Variants in DPP10 observed in about 807,000 individuals in gnomAD.
The protein encoded by DPP10 is inactive dipeptidyl peptidase 10.
Under a neutral mutation model 120.9 loss-of-function variants are expected in DPP10, and 33 were observed. The observed-to-expected ratio is 0.27, with a 90% confidence interval of 0.21 to 0.37. The LOEUF (loss-of-function observed/expected upper bound fraction) is 0.37. DPP10 is among the 10% of genes least tolerant of loss of function. The pLI is 1.00. For synonymous variants in DPP10, 337 were observed against 326.1 expected (o/e 1.03, Z -0.36); for missense variants, 816 against 942.8 (o/e 0.87, Z 1.76).
At chr2:114,786,072 A>G (rs921125661) in intron 1 of DPP10, among the ~76,000 whole-genome samples, 9 of 152,228 alleles carry the variant, frequency 5.9e-5, no homozygotes, top group Non-Finnish European at 1.3e-4. Flanking sequence ...TTGGAGAACA[A>G]GAGCAGCAGC....
At chr2:115,046,026 G>A (rs879544870) in intron 1 of DPP10, among the ~76,000 whole-genome samples, 123 of 151,676 alleles carry the variant, frequency 8.1e-4, no homozygotes, top group Non-Finnish European at 1.2e-3. Context: ...GTGTGTGTGT[G>A]TGTGTGTGTG....
intron 1 of DPP10, among the ~76,000 whole-genome samples, chr2:114,468,397 C>CAAAAAAAA (rs71297186): frequency 8.6e-5 from 6 of 69,552 alleles, no homozygotes; most frequent in African/African-American, 2.1e-4. Context: ...GCTTACAATG[C>CAAAAAAAA]AAAAAAAAAA....
chr2:114,485,260 C>T (rs372244489), intron 1 of DPP10, among the ~76,000 whole-genome samples: 48 of 152,220 alleles, frequency 3.2e-4, no homozygotes, highest in African/African-American at 1.1e-3. Context: ...AGGACAGCTG[C>T]CGTTCTACAA....
chr2:115,587,340 C>T (rs764631634), intron 5 of DPP10, among the ~76,000 whole-genome samples: 14 of 152,022 alleles, frequency 9.2e-5, no homozygotes, highest in East Asian at 5.8e-4. Context: ...CCTCATGATC[C>T]GCCCGCCTCG....
chr2:114,712,215 G>A (rs1176610304), intron 1 of DPP10, among the ~76,000 whole-genome samples: 1 of 152,140 alleles, frequency 6.6e-6, no homozygotes, highest in Non-Finnish European at 1.5e-5. Context: ...AGCTACTCGG[G>A]AGGCCAAGGC....
At chr2:115,676,156 C>T (rs760373936) in intron 5 of DPP10, among the ~76,000 whole-genome samples, 16 of 152,172 alleles carry the variant, frequency 1.1e-4, no homozygotes, top group Non-Finnish European at 2.1e-4. Context: ...TGAACTTGTG[C>T]ATTTACTTGA....
intron 3 of DPP10, among the ~76,000 whole-genome samples, chr2:115,344,929 T>A (rs2063635364): frequency 6.6e-6 from 1 of 152,180 alleles, no homozygotes. Context: ...TTCCTTCCTC[T>A]CTCTTACTCT....
intron 1 of DPP10, among the ~76,000 whole-genome samples, chr2:114,517,803 A>G (rs1027903778): frequency 6.6e-6 from 1 of 152,196 alleles, no homozygotes; most frequent in Non-Finnish European, 1.5e-5. Flanking sequence ...AGTGAGGTGA[A>G]CACCCAGCTG....
chr2:115,363,504 A>C (rs2064907019), intron 3 of DPP10, among the ~76,000 whole-genome samples: 1 of 152,134 alleles, frequency 6.6e-6, no homozygotes, highest in Admixed American at 6.5e-5. Context: ...CATATCTGTG[A>C]ATCAGTGTAC....
Position 115,654,073 on chromosome 2 carries a change from T to C in DPP10, c.442-35614T>C, listed in dbSNP as rs368778115. Among the ~76,000 whole-genome samples, 8 of 151,986 alleles carry C rather than the reference T, an allele frequency of 5.3e-5. No homozygotes were observed. In the East Asian group the frequency reaches 1.5e-3, roughly 29 times the overall value. On this transcript the variant is annotated intron_variant, in intron 5 of 25. Coordinates refer to ENST00000410059, the MANE Select transcript of DPP10 (RefSeq NM_020868.6). ...GTTCTTTTTATATTGTATCTAATTA[T>C]ATCAGAAATATTTACACATCAGTCT...
intron 1 of DPP10, among the ~76,000 whole-genome samples, chr2:114,744,533 G>T (rs937688689): frequency 6.6e-6 from 1 of 151,990 alleles, no homozygotes; most frequent in African/African-American, 2.4e-5. Context: ...GCAGGAAGTA[G>T]AAGAGAATGC....
intron 1 of DPP10, among the ~76,000 whole-genome samples, chr2:114,832,195 A>G (rs1434880523): frequency 6.6e-6 from 1 of 152,238 alleles, no homozygotes; most frequent in Non-Finnish European, 1.5e-5. Context: ...ATGTTCTTAA[A>G]TAGACTATAG....
intron 1 of DPP10, among the ~76,000 whole-genome samples, chr2:114,805,981 C>G (rs74651010): frequency 8.3e-4 from 127 of 152,282 alleles, no homozygotes; most frequent in African/African-American, 2.9e-3. Context: ...GGGCTCAAAA[C>G]CTGGCTGAGT....
intron 1 of DPP10, among the ~76,000 whole-genome samples, chr2:115,054,683 C>T (rs1216393072): frequency 6.6e-6 from 1 of 152,150 alleles, no homozygotes; most frequent in Non-Finnish European, 1.5e-5. Flanking sequence ...GAGGCTGAGG[C>T]AGGTGGATCA....
intron 1 of DPP10, among the ~76,000 whole-genome samples, chr2:115,191,289 C>G (rs753521165): frequency 2.6e-5 from 4 of 152,230 alleles, no homozygotes; most frequent in Non-Finnish European, 4.4e-5. Context: ...GGCAGAGAAG[C>G]TCTGCTCTAG....
At chr2:115,528,327 G>A (rs1468594384) in intron 5 of DPP10, among the ~76,000 whole-genome samples, 1 of 150,922 alleles carries the variant, frequency 6.6e-6, no homozygotes, top group African/African-American at 2.4e-5. Context: ...CCTGCACATT[G>A]TGCACATGTA....
chr2:115,204,741 C>T (rs575894667), intron 1 of DPP10, among the ~76,000 whole-genome samples: 9 of 152,240 alleles, frequency 5.9e-5, no homozygotes, highest in Non-Finnish European at 1.0e-4. Flanking sequence ...CAGCTCCTCC[C>T]GTGGGGAGCA....
intron 1 of DPP10, among the ~76,000 whole-genome samples, chr2:114,968,632 C>A (rs536112572): frequency 3.3e-5 from 5 of 152,184 alleles, no homozygotes; most frequent in Non-Finnish European, 7.4e-5. Flanking sequence ...AAATAATGAA[C>A]AATCTGTTTA....
intron 1 of DPP10, among the ~76,000 whole-genome samples, chr2:114,621,257 A>G (rs1218725175): frequency 6.6e-6 from 1 of 152,084 alleles, no homozygotes; most frequent in African/African-American, 2.4e-5. Context: ...TAAGAACCAA[A>G]CTTCTAGAAA....
Sources: gnomAD v4.1 joint callset for allele counts (sites outside exome capture counted in the v4.1 genomes callset) on GRCh38, gnomAD v4.1.1 for gene constraint, MANE v1.5 for transcripts, NCBI Gene and HGNC (gene_info 2026-07-23, HGNC 2026-07-21) for gene names.